The following SREBF2 variants were observed in gnomAD, a reference collection of about 807,000 sequenced individuals.
The protein encoded by SREBF2 is sterol regulatory element binding transcription factor 2.
Under a neutral mutation model 113.1 loss-of-function variants are expected in SREBF2, and 55 were observed. That is an observed-to-expected ratio of 0.49 (90% CI 0.39 to 0.61). The LOEUF is 0.61. Ranked by LOEUF, SREBF2 falls within the 20% of genes least tolerant of loss-of-function variation. The pLI is 0.00. For missense variants in SREBF2, 1,349 were observed against 1,487.4 expected (o/e 0.91, Z 1.53); for synonymous variants, 593 against 605.7 (o/e 0.98, Z 0.31).
intron 12 of SREBF2, among the ~76,000 whole-genome samples, chr22:41,894,553 GA>G: frequency 1.3e-5 from 2 of 152,004 alleles, no homozygotes; most frequent in Non-Finnish European, 2.9e-5. Context: ...TTAGAGTACT[GA>G]GCACTGTGCC....
At chr22:41,894,549 TAC>T in intron 12 of SREBF2, among the ~76,000 whole-genome samples, 2 of 151,906 alleles carry the variant, frequency 1.3e-5, no homozygotes, top group Non-Finnish European at 2.9e-5. Context: ...AACCTTAGAG[TAC>T]TGAGCACTGT....
At chr22:41,856,803 G>C (rs541253613) in intron 1 of SREBF2, among the ~76,000 whole-genome samples, 1 of 152,176 alleles carries the variant, frequency 6.6e-6, no homozygotes, top group East Asian at 1.9e-4. Context: ...GGCCGGGCAC[G>C]GTGGCTTATG....
chr22:41,871,126 T>G (rs1208819615), intron 4 of SREBF2, 91 bp downstream of exon 4: 20 of 1,550,392 alleles, frequency 1.3e-5, no homozygotes, highest in African/African-American at 2.7e-5. Context: ...ATATGCTGAG[T>G]AGGTATGGGA....
Position 41,866,908 on chromosome 22 carries a change from G to GGCAGTGGTGGTAGTGGTAGCA in SREBF2, c.171_191dup (p.Gly59_Gly65dup), listed in dbSNP as rs1569388028. The GGCAGTGGTGGTAGTGGTAGCA allele has an allele frequency of 6.2e-7, 1 of 1,613,972 alleles. No homozygotes were observed. Among genetic ancestry groups the GGCAGTGGTGGTAGTGGTAGCA allele is most frequent in the Non-Finnish European group, 8.5e-7 (1 of 1,179,988 alleles). ...AGAACAGCTGTGTAGCTCCTTTCCT[G>GGCAGTGGTGGTAGTGGTAGCA]GCAGTGGTGGTAGTGGTAGCAGCAG... On this transcript the variant is annotated inframe_insertion, in exon 2 of 19. Transcript: ENST00000361204.
chr22:41,876,261 G>A (rs773965094), intron 7 of SREBF2, among the ~76,000 whole-genome samples: 1 of 152,238 alleles, frequency 6.6e-6, no homozygotes, highest in Admixed American at 6.5e-5. Flanking sequence ...CTGGGAACCT[G>A]TAGAGACCAC....
At position 41,892,461 on chromosome 22, in the gene SREBF2, A is replaced by G. The variant is rs1377572167; in HGVS notation, c.2209-656A>G. Among the ~76,000 whole-genome samples the G allele has an allele frequency of 3.9e-5, 6 of 152,100 alleles. No homozygotes were observed. In the South Asian group the frequency reaches 1.0e-3, roughly 26 times the overall value. ...TCAAGAGATCGAGACCATCCTGGCT[A>G]ACACGGTGAAACCCCGTCTCTACTA... On this transcript the variant is annotated intron_variant, in intron 11 of 18. Coordinates refer to ENST00000361204, the MANE Select transcript of SREBF2 (RefSeq NM_004599.4).
At chr22:41,878,158 C>G (rs1460351507) in intron 9 of SREBF2, 35 bp downstream of exon 9, 16 of 1,611,966 alleles carry the variant, frequency 9.9e-6, no homozygotes, top group Middle Eastern at 1.8e-4. Context: ...CATCCTCCCC[C>G]AGACTTGACA....
intron 13 of SREBF2, 105 bp from the exon 14 acceptor site, chr22:41,896,947 G>C: frequency 1.3e-6 from 1 of 770,150 alleles, no homozygotes. Flanking sequence ...GAAAGGGACA[G>C]AAATGGCCAT....
At chr22:41,885,688 C>T (rs1441446630) in intron 11 of SREBF2, 1 of 159,082 alleles carries the variant, frequency 6.3e-6, no homozygotes, top group Non-Finnish European at 1.4e-5. Flanking sequence ...CAGGCTTTCT[C>T]TTACTCTAGC....
At chr22:41,884,693 A>T in intron 10 of SREBF2, 149 bp from the exon 11 acceptor site, 2 of 816,708 alleles carry the variant, frequency 2.4e-6, no homozygotes, top group Non-Finnish European at 4.2e-6. Flanking sequence ...AGAGCCTGGC[A>T]TCCCATCCTG....
chr22:41,846,376 G>A (rs536522236), intron 1 of SREBF2, among the ~76,000 whole-genome samples: 1 of 152,178 alleles, frequency 6.6e-6, no homozygotes, highest in Non-Finnish European at 1.5e-5. Flanking sequence ...TCCCTCAAGG[G>A]TCGCACTCCT....
In SREBF2 at chr22:41,857,042, G is replaced by A. The variant is rs568288838; in HGVS notation, c.89-9789G>A. Among the ~76,000 whole-genome samples the A allele has an allele frequency of 2.1e-4, 31 of 150,420 alleles. 1 individual carries two copies. The highest frequency in any genetic ancestry group is 1.9e-3 in the Admixed American group (29 of 15,142). On this transcript the variant is annotated intron_variant, in intron 1 of 18. Transcript: ENST00000361204. ...AGATCATGCCACTGCACTCCAGCCT[G>A]GGCAACAGAGCAAGACTCTGTCTCA...
intron 1 of SREBF2, among the ~76,000 whole-genome samples, chr22:41,848,810 C>T (rs972089451): frequency 2.6e-5 from 4 of 152,148 alleles, no homozygotes; most frequent in African/African-American, 7.2e-5. Flanking sequence ...AAAACCACCA[C>T]CAAGACCGCT....
Position 41,882,351 on chromosome 22 carries a change from G to A in SREBF2, c.2038+1359G>A, listed in dbSNP as rs148437973. On this transcript the variant is annotated intron_variant, in intron 10 of 18. Transcript: ENST00000361204. ...CAACTTTCCAGGAAAAGGGTGGTGA[G>A]TTCCCTTTTGGACACTTGCCTGTGA... Among the ~76,000 whole-genome samples the A allele has an allele frequency of 7.2e-3, 1,104 of 152,312 alleles. 7 individuals carry two copies. The highest frequency in any genetic ancestry group is 0.051 in the Middle Eastern group (15 of 294).
intron 10 of SREBF2, among the ~76,000 whole-genome samples, chr22:41,883,086 A>C (rs2077264620): frequency 6.6e-6 from 1 of 152,250 alleles, no homozygotes; most frequent in African/African-American, 2.4e-5. Context: ...ACATGCATGC[A>C]GAGATGAACA....
At position 41,902,962 on chromosome 22, in the gene SREBF2, C is replaced by A; in HGVS notation, c.2908-8C>A. ...CCTGTCTCCCCTCTCTCGTGGCTGA[C>A]CCCACAGGTGGTCCAGCTGCTCACC... On this transcript the variant is annotated splice_polypyrimidine_tract_variant and splice_region_variant and intron_variant, in intron 16 of 18. Coordinates refer to ENST00000361204, the MANE Select transcript of SREBF2 (RefSeq NM_004599.4). 6.2e-7 allele frequency: 1 copy of A among 1,608,258 alleles called. No individual in the cohort carries two copies. The highest frequency in any genetic ancestry group is 1.1e-5 in the South Asian group (1 of 89,842).
intron 9 of SREBF2, among the ~76,000 whole-genome samples, chr22:41,880,022 AC>A (rs1180154779): frequency 6.6e-6 from 1 of 152,118 alleles, no homozygotes. Flanking sequence ...ACATAGCAAA[AC>A]CCCCATCTCT....
Position 41,867,222 on chromosome 22 carries a change from G to T in SREBF2, c.480G>T (p.Pro160=), listed in dbSNP as rs372572566. Residue 160 remains proline, a synonymous_variant, in exon 2 of 19, where the codon CCG becomes CCT. Coordinates refer to ENST00000361204, the MANE Select transcript of SREBF2 (RefSeq NM_004599.4). ...VMITPTFSTT[P]QTRIIQQPLI... Reference sequence around the variant, plus strand: ...TCACGCCAACATTCAGCACCACTCCGCAGACGAGGATCATCCAGCAGCCTT... The same window carrying T: ...TCACGCCAACATTCAGCACCACTCCTCAGACGAGGATCATCCAGCAGCCTT... 1.9e-6 allele frequency: 3 copies of T among 1,614,168 alleles called. No homozygotes were observed. Among genetic ancestry groups the T allele is most frequent in the East Asian group, 4.5e-5 (2 of 44,892 alleles).
intron 1 of SREBF2, among the ~76,000 whole-genome samples, chr22:41,858,704 A>G (rs1473025041): frequency 6.6e-6 from 1 of 152,132 alleles, no homozygotes; most frequent in Admixed American, 6.5e-5. Flanking sequence ...CTATGATCAC[A>G]TCACTGCACT....
Sources: allele counts gnomAD v4.1 joint callset (sites outside exome capture counted in the v4.1 genomes callset), GRCh38; gene constraint gnomAD v4.1.1; transcripts MANE v1.5; gene names NCBI Gene and HGNC (gene_info 2026-07-23, HGNC 2026-07-21).